Variants in TPO observed in about 807,000 individuals in gnomAD.
The protein encoded by TPO is thyroid microsomal antigen.
Under a neutral mutation model 96.9 loss-of-function variants are expected in TPO, and 78 were observed. The observed-to-expected ratio is 0.81, with a 90% CI of 0.67 to 0.97. The LOEUF (loss-of-function observed/expected upper bound fraction) is 0.97, where lower values mean the gene tolerates loss of function less well. TPO is among the 50% of genes least tolerant of loss of function. The probability of loss-of-function intolerance (pLI) is 0.00; values close to 1 mark genes in which losing one functional copy is unlikely to be tolerated. For synonymous variants in TPO, 547 were observed against 538.0 expected (o/e 1.02, Z -0.23); for missense variants, 1,252 against 1,274.8 (o/e 0.98, Z 0.27).
At chr2:1,516,839 G>T (rs1336750126) in intron 14 of TPO, 44 bp from the exon 15 acceptor site, 4 of 1,598,336 alleles carry the variant, frequency 2.5e-6, no homozygotes, top group Non-Finnish European at 3.4e-6. Context: ...GGCTTGCCCA[G>T]GCCCTGGAAG....
chr2:1,525,162 C>G lies in TPO; in HGVS notation c.2618+8180C>G, dbSNP rs147511211. ...TCACCCTCACTGTGTGCAACCTCCT[C>G]AAGTCCCCCACTGTGTGCAATCCGC... On this transcript the variant is annotated intron_variant, in intron 15 of 16. Transcript: ENST00000329066. 2.3e-5 allele frequency among the ~76,000 whole-genome samples: 3 copies of G among 130,922 alleles called. 1 individual carries two copies. Among genetic ancestry groups the G allele is most frequent in the Non-Finnish European group, 4.9e-5 (3 of 60,886 alleles). 85.9% of individuals were successfully genotyped at this position (130,922 alleles called of 152,430 possible). A position where few individuals can be genotyped will look rare whatever the true frequency, so the allele number is the denominator to read the frequency against.
At chr2:1,534,994 T>G (rs72490799) in intron 15 of TPO, among the ~76,000 whole-genome samples, 2,140 of 15,232 alleles carry the variant, frequency 0.14, 17 homozygotes, top group East Asian at 0.19. Context: ...GTGTGTGCAA[T>G]TTCCCTAAAT....
chr2:1,381,809 C>T (rs985413048), intron 1 of TPO, among the ~76,000 whole-genome samples: 3 of 152,148 alleles, frequency 2.0e-5, no homozygotes, highest in Non-Finnish European at 4.4e-5. Flanking sequence ...TTTGGACATG[C>T]GCCTCTAAGT....
intron 15 of TPO, among the ~76,000 whole-genome samples, chr2:1,527,975 G>A (rs1047785463): frequency 3.3e-5 from 4 of 121,504 alleles, no homozygotes; most frequent in Non-Finnish European, 6.4e-5. Flanking sequence ...ACCCCACTGC[G>A]TGCAACCTCC....
chr2:1,539,029 T>C (rs1680411749), intron 15 of TPO, among the ~76,000 whole-genome samples: 1 of 152,118 alleles, frequency 6.6e-6, no homozygotes, highest in East Asian at 1.9e-4. Flanking sequence ...TCCTGCTGGA[T>C]TCCAGGTTCC....
chr2:1,509,939 C>T (rs1673918113), intron 14 of TPO, among the ~76,000 whole-genome samples: 1 of 151,118 alleles, frequency 6.6e-6, no homozygotes, highest in Non-Finnish European at 1.5e-5. Flanking sequence ...TTCAGGCACA[C>T]CCCCCCTCTT....
At chr2:1,521,741 C>T (rs558265391) in intron 15 of TPO, among the ~76,000 whole-genome samples, 3 of 152,104 alleles carry the variant, frequency 2.0e-5, no homozygotes, top group Admixed American at 1.3e-4. Context: ...GTCAGTACGG[C>T]GTCTGTGAGG....
At chr2:1,534,489 A>AT in intron 15 of TPO, among the ~76,000 whole-genome samples, 1 of 79,654 alleles carries the variant, frequency 1.3e-5, no homozygotes, top group South Asian at 5.6e-4. Flanking sequence ...AACTCCCCAA[A>AT]CCCCCCACGC....
intron 2 of TPO, among the ~76,000 whole-genome samples, chr2:1,415,060 G>A (rs1265359915): frequency 6.6e-6 from 1 of 152,194 alleles, no homozygotes; most frequent in Non-Finnish European, 1.5e-5. Flanking sequence ...ACCTCGCTGG[G>A]CAGGTCCCTG....
intron 16 of TPO, chr2:1,541,284 C>T (rs1016391491): frequency 8.5e-5 from 72 of 845,022 alleles, no homozygotes; most frequent in Admixed American, 3.5e-4. Flanking sequence ...AGGAGGAGGG[C>T]GCCTCAGGTC....
intron 4 of TPO, 152 bp downstream of exon 4, chr2:1,433,759 T>C (rs1470010108): frequency 1.1e-6 from 1 of 871,810 alleles, no homozygotes; most frequent in African/African-American, 1.7e-5. Context: ...AGCTGCAATT[T>C]TTAAAAATGC....
At chr2:1,375,111 T>C (rs574070737) in intron 1 of TPO, among the ~76,000 whole-genome samples, 1 of 114,692 alleles carries the variant, frequency 8.7e-6, no homozygotes, top group East Asian at 2.0e-4. Flanking sequence ...TTTTTAAGTT[T>C]TTAAAATTTA....
At chr2:1,539,728 C>T (rs1011053297) in intron 15 of TPO, among the ~76,000 whole-genome samples, 2 of 151,964 alleles carry the variant, frequency 1.3e-5, no homozygotes, top group African/African-American at 4.8e-5. Context: ...CACAGGGTCA[C>T]GGGAAGCCAC....
At chr2:1,447,809 G>A (rs981324324) in intron 5 of TPO, among the ~76,000 whole-genome samples, 10 of 152,168 alleles carry the variant, frequency 6.6e-5, no homozygotes, top group Non-Finnish European at 1.5e-4. Context: ...CTGCACCCAT[G>A]CCTATATCAT....
At chr2:1,502,241 G>T (rs1011875844) in intron 13 of TPO, among the ~76,000 whole-genome samples, 2 of 152,264 alleles carry the variant, frequency 1.3e-5, no homozygotes, top group East Asian at 3.9e-4. Context: ...TCCAGGGGCA[G>T]CTTTAGCCAA....
rs531919166 is a variant in TPO at position 1,462,818 on chromosome 2, G to A, written c.819+6536G>A. 5.3e-5 allele frequency among the ~76,000 whole-genome samples: 8 copies of A among 152,244 alleles called. No individual in the cohort carries two copies. The South Asian group carries it at 8.3e-4, about 16-fold the overall frequency. ...GTGGGTGAATATATTAGTTTGTCAC[G>A]ATTGTTTATATCACCAAAATACTGA... On this transcript the variant is annotated intron_variant, in intron 7 of 16. Transcript: ENST00000329066.
intron 5 of TPO, among the ~76,000 whole-genome samples, chr2:1,442,556 T>C (rs997006290): frequency 1.3e-5 from 2 of 152,238 alleles, no homozygotes; most frequent in Non-Finnish European, 2.9e-5. Context: ...GAATTTGCCT[T>C]CAGTTTTAGA....
intron 15 of TPO, among the ~76,000 whole-genome samples, chr2:1,539,445 A>G (rs1028883695): frequency 1.3e-5 from 2 of 152,126 alleles, no homozygotes; most frequent in Admixed American, 1.3e-4. Context: ...GCTCCTAATG[A>G]CACCGTCACA....
At chr2:1,453,547 C>G (rs1190452270) in intron 5 of TPO, 147 bp from the exon 6 acceptor site, 2 of 1,300,732 alleles carry the variant, frequency 1.5e-6, no homozygotes, top group Non-Finnish European at 2.2e-6. Context: ...TCCAGGAGGC[C>G]TTTCGGGTCT....
Sources: gnomAD v4.1 joint callset for allele counts (sites outside exome capture counted in the v4.1 genomes callset) on GRCh38, gnomAD v4.1.1 for gene constraint, MANE v1.5 for transcripts, NCBI Gene and HGNC (gene_info 2026-07-23, HGNC 2026-07-21) for gene names.